PBRM1: variants seen among roughly 807,000 people sequenced by gnomAD.
The protein encoded by PBRM1 is protein polybromo-1.
A neutral mutation model predicts 194.5 loss-of-function variants in PBRM1; 27 were observed. That is an observed-to-expected ratio of 0.14 (90% CI 0.10 to 0.19). The LOEUF (loss-of-function observed/expected upper bound fraction) is 0.19. PBRM1 is among the 10% of genes least tolerant of loss of function. PBRM1 has a pLI of 1.00. For synonymous variants in PBRM1, 655 were observed against 693.2 expected (o/e 0.94, Z 0.87); for missense variants, 1,466 against 2,077.2 (o/e 0.71, Z 5.72).
intron 6 of PBRM1, among the ~76,000 whole-genome samples, chr3:52,651,306 C>T (rs1481280705): frequency 6.6e-6 from 1 of 152,036 alleles, no homozygotes; most frequent in African/African-American, 2.4e-5. Flanking sequence ...CTCTAACATC[C>T]GTTGTGGGTA....
At chr3:52,684,242 A>G (rs552360912), upstream of PBRM1, among the ~76,000 whole-genome samples, 94 of 152,110 alleles carry the variant, frequency 6.2e-4, no homozygotes, top group South Asian at 1.0e-3. Context: ...ATGAAGAGGA[A>G]AGACAGATTC....
intron 2 of PBRM1, among the ~76,000 whole-genome samples, chr3:52,676,619 G>T (rs1450756598): frequency 6.6e-6 from 1 of 152,138 alleles, no homozygotes; most frequent in African/African-American, 2.4e-5. Flanking sequence ...ACAGTAAATT[G>T]ATACCAGTAG....
At chr3:52,573,290 C>G (rs867469885) in intron 22 of PBRM1, among the ~76,000 whole-genome samples, 3 of 145,770 alleles carry the variant, frequency 2.1e-5, no homozygotes, top group African/African-American at 7.5e-5. Flanking sequence ...TTCTTTCTTT[C>G]TTTTTTTTTT....
At position 52,655,913 on chromosome 3, in the gene PBRM1, T is replaced by C. The variant is rs114673187; in HGVS notation, c.645+2286A>G. 1.1e-3 allele frequency among the ~76,000 whole-genome samples: 175 copies of C among 152,264 alleles called. 1 individual carries two copies. Among genetic ancestry groups the C allele is most frequent in the Non-Finnish European group, 1.7e-3 (117 of 68,028 alleles). Reference sequence around the variant, plus strand: ...TACAAAGTAATCCAAAGTCATCCAATCCTTCGGATCGGGTTCCAGTTATAG... The same window carrying C: ...TACAAAGTAATCCAAAGTCATCCAACCCTTCGGATCGGGTTCCAGTTATAG... On this transcript the variant is annotated intron_variant, in intron 5 of 29. Coordinates refer to ENST00000296302, the Ensembl canonical transcript of PBRM1.
At chr3:52,561,942 A>G (rs772809842) in exon 25 of PBRM1, 2 of 1,614,014 alleles carry the variant, frequency 1.2e-6, no homozygotes, top group South Asian at 1.1e-5. Context: ...CCTTCTTTGC[A>G]CTGCCTTTGG....
At chr3:52,679,792 C>T (rs147078454), upstream of PBRM1, 171 of 1,236,116 alleles carry the variant, frequency 1.4e-4, no homozygotes, top group Non-Finnish European at 1.9e-4. Context: ...TTCAGCTGGA[C>T]ACCTGCTACC....
At chr3:52,590,493 T>G (rs77711437) in intron 17 of PBRM1, among the ~76,000 whole-genome samples, 2,077 of 152,276 alleles carry the variant, frequency 0.014, 18 homozygotes, top group South Asian at 0.036. Context: ...AAGCTATCGT[T>G]TGCAAATATC....
At chr3:52,592,126 T>G (rs1185979512) in intron 17 of PBRM1, among the ~76,000 whole-genome samples, 1 of 148,194 alleles carries the variant, frequency 6.7e-6, no homozygotes, top group Admixed American at 6.7e-5. Context: ...CACCAGGTTT[T>G]TTTTTTTTTT....
intron 16 of PBRM1, among the ~76,000 whole-genome samples, chr3:52,608,223 T>C (rs1405957870): frequency 6.6e-5 from 10 of 152,228 alleles, no homozygotes; most frequent in African/African-American, 2.2e-4. Flanking sequence ...CTTGTCCTGG[T>C]AACTGGCTCA....
chr3:52,670,468 C>T (rs1022282575), intron 2 of PBRM1, among the ~76,000 whole-genome samples: 12 of 152,150 alleles, frequency 7.9e-5, no homozygotes, highest in African/African-American at 2.4e-4. Context: ...TACACACAAA[C>T]CAAATTTAAC....
intron 15 of PBRM1, among the ~76,000 whole-genome samples, chr3:52,613,453 A>G (rs1252117217): frequency 1.3e-5 from 2 of 151,320 alleles, no homozygotes; most frequent in East Asian, 3.9e-4. Context: ...CTTCCACCTC[A>G]GCCTCCCAAA....
chr3:52,589,149 A>C (rs2153806851), exon 18 of PBRM1: 1 of 1,613,184 alleles, frequency 6.2e-7, no homozygotes. Flanking sequence ...CATAGACGTA[A>C]TCTCCAACAT....
chr3:52,635,327 A>G (rs1202778337), intron 10 of PBRM1, among the ~76,000 whole-genome samples: 2 of 152,152 alleles, frequency 1.3e-5, no homozygotes, highest in East Asian at 1.9e-4. Flanking sequence ...AGCACTTTTG[A>G]GAGGCCAAGG....
At chr3:52,564,719 A>G (rs772945500) in intron 22 of PBRM1, among the ~76,000 whole-genome samples, 12 of 152,196 alleles carry the variant, frequency 7.9e-5, no homozygotes, top group Non-Finnish European at 1.8e-4. Context: ...TCAATGGAAT[A>G]GAACTGAAAG....
chr3:52,660,065 T>G (rs2096686802), intron 4 of PBRM1, among the ~76,000 whole-genome samples: 1 of 152,210 alleles, frequency 6.6e-6, no homozygotes, highest in African/African-American at 2.4e-5. Context: ...CACTCCAGCC[T>G]GGGCCAAAGA....
At chr3:52,556,829 T>C (rs367923007) in intron 26 of PBRM1, among the ~76,000 whole-genome samples, 54 of 152,046 alleles carry the variant, frequency 3.6e-4, no homozygotes, top group Non-Finnish European at 5.7e-4. Flanking sequence ...CAGCACACCC[T>C]AAATAATGGA....
chr3:52,622,393 T>G (rs1457618886), intron 13 of PBRM1, among the ~76,000 whole-genome samples: 1 of 152,080 alleles, frequency 6.6e-6, no homozygotes. Flanking sequence ...ACAATTCAGA[T>G]CATAGATACT....
chr3:52,583,346 CG>C (rs1226443085), intron 20 of PBRM1, among the ~76,000 whole-genome samples: 2 of 149,494 alleles, frequency 1.3e-5, no homozygotes, highest in African/African-American at 2.5e-5. Flanking sequence ...GGAAGGCGGA[CG>C]TTACAGTGAG....
intron 7 of PBRM1, among the ~76,000 whole-genome samples, chr3:52,647,914 T>C (rs1214614643): frequency 1.5e-5 from 2 of 134,484 alleles, no homozygotes; most frequent in Non-Finnish European, 3.4e-5. Flanking sequence ...TTACATTAAA[T>C]ACTTTTTTTT....
Sources: gnomAD v4.1 joint callset for allele counts (sites outside exome capture counted in the v4.1 genomes callset) on GRCh38, gnomAD v4.1.1 for gene constraint, MANE v1.5 for transcripts, NCBI Gene and HGNC (gene_info 2026-07-23, HGNC 2026-07-21) for gene names.